GDAP2: variants seen among roughly 807,000 people sequenced by gnomAD.
GDAP2 encodes the protein ganglioside-induced differentiation-associated protein 2.
In GDAP2, 51 loss-of-function variants were observed where a neutral mutation model predicts 67.0. The ratio of observed to expected loss-of-function variants is 0.76; its 90% confidence interval spans 0.61 to 0.96. GDAP2 has a LOEUF of 0.96. GDAP2 is among the 40% of genes least tolerant of loss of function. GDAP2 has a pLI of 0.00. For synonymous variants in GDAP2, 203 were observed against 207.3 expected, an observed-to-expected ratio of 0.98 and a Z score of 0.18; for missense variants, 547 against 588.3, an observed-to-expected ratio of 0.93 and a Z score of 0.73.
intron 1 of GDAP2, among the ~76,000 whole-genome samples, chr1:117,921,339 A>G (rs1367476187): frequency 6.6e-6 from 1 of 152,212 alleles, no homozygotes; most frequent in African/African-American, 2.4e-5. Flanking sequence ...CTTCAGGAGC[A>G]TATGTTTCCA....
chr1:117,909,400 C>T (rs1037922820), intron 5 of GDAP2, among the ~76,000 whole-genome samples: 4 of 151,972 alleles, frequency 2.6e-5, no homozygotes, highest in African/African-American at 2.4e-5. Context: ...AAAAAAAGCA[C>T]GTGTCTTAAT....
At chr1:117,899,496 G>A (rs1446775460) in intron 6 of GDAP2, among the ~76,000 whole-genome samples, 5 of 152,040 alleles carry the variant, frequency 3.3e-5, no homozygotes, top group African/African-American at 7.3e-5. Context: ...GTCCCCATCC[G>A]TACCTTCACT....
intron 12 of GDAP2, 64 bp from the exon 13 acceptor site, chr1:117,878,216 T>C (rs1648531110): frequency 2.4e-6 from 2 of 845,226 alleles, no homozygotes; most frequent in African/African-American, 3.4e-5. Flanking sequence ...TAAACACAAT[T>C]TGGAAAATTT....
chr1:117,902,593 T>C (rs187660228), intron 6 of GDAP2, among the ~76,000 whole-genome samples: 173 of 152,348 alleles, frequency 1.1e-3, no homozygotes, highest in Non-Finnish European at 2.0e-3. Flanking sequence ...TTGAAACCAC[T>C]GTCAGAAATT....
chr1:117,906,441 C>G lies in GDAP2; in HGVS notation c.636+65G>C, dbSNP rs1220686469. 4 of 856,982 alleles carry G rather than the reference C, an allele frequency of 4.7e-6. No homozygotes were observed. The Admixed American group carries it at 8.3e-5, about 18-fold the overall frequency. The allele number at this position is 856,982 out of a possible 1,614,324, so 53.1% of individuals were successfully genotyped here. ...TGGAAACTCAGTAAATATGTAGTGA[C>G]AAGCCAAAGTCAAATGCTTAAAGAT... is the stretch of plus-strand genomic sequence containing the variant. On this transcript the variant is annotated intron_variant, in intron 6 of 13. Coordinates refer to ENST00000369443, the MANE Select transcript of GDAP2 (RefSeq NM_017686.4).
chr1:117,908,898 T>C (rs1254054622), intron 5 of GDAP2, among the ~76,000 whole-genome samples: 5 of 152,176 alleles, frequency 3.3e-5, no homozygotes, highest in Non-Finnish European at 7.3e-5. Flanking sequence ...CAAGTTGTAA[T>C]GTTCATGCAT....
chr1:117,878,256 T>C, intron 12 of GDAP2, 104 bp from the exon 13 acceptor site: 1 of 562,554 alleles, frequency 1.8e-6, no homozygotes, highest in Non-Finnish European at 3.1e-6. Flanking sequence ...TTTCAAAGTC[T>C]TAAAATAACT....
intron 8 of GDAP2, among the ~76,000 whole-genome samples, chr1:117,893,110 A>G (rs970080600): frequency 6.6e-6 from 1 of 152,200 alleles, no homozygotes; most frequent in African/African-American, 2.4e-5. Context: ...TAAAAGCTTA[A>G]TAAGTATTTA....
intron 10 of GDAP2, among the ~76,000 whole-genome samples, 159 bp downstream of exon 10, chr1:117,886,418 C>G (rs1390549169): frequency 6.6e-6 from 1 of 152,126 alleles, no homozygotes; most frequent in African/African-American, 2.4e-5. Flanking sequence ...CCTAATCGAA[C>G]TGAAATGATA....
At chr1:117,881,786 TA>T (rs1228765342) in intron 12 of GDAP2, 36 bp downstream of exon 12, 1 of 1,127,452 alleles carries the variant, frequency 8.9e-7, no homozygotes, top group South Asian at 1.2e-5. Context: ...GCAGTGCACA[TA>T]AATTCTAGAT....
intron 9 of GDAP2, among the ~76,000 whole-genome samples, chr1:117,887,471 A>G (rs1269111229): frequency 6.6e-6 from 1 of 152,206 alleles, no homozygotes; most frequent in Non-Finnish European, 1.5e-5. Context: ...TAAAAGGGAC[A>G]CTAGCATGAA....
chr1:117,894,439 T>C (rs752075362), intron 8 of GDAP2, among the ~76,000 whole-genome samples: 1 of 152,184 alleles, frequency 6.6e-6, no homozygotes, highest in Non-Finnish European at 1.5e-5. Context: ...CAGCTGGTAA[T>C]AGCCTTACCA....
chr1:117,888,137 G>A (rs1177922683), intron 8 of GDAP2, among the ~76,000 whole-genome samples: 1 of 152,154 alleles, frequency 6.6e-6, no homozygotes, highest in Admixed American at 6.5e-5. Flanking sequence ...CAATGGCAGA[G>A]TTTCAAAACA....
rs557330841 is a variant in GDAP2, at chr1:117,899,287, C to T, written c.637-71G>A. ...AAGAAGACCTCAGCAGTACTTAGTGCTGTTCATACACTGTGAAGACAACCT... is the reference window on the plus strand; with the variant it reads ...AAGAAGACCTCAGCAGTACTTAGTGTTGTTCATACACTGTGAAGACAACCT... On this transcript the variant is annotated intron_variant, in intron 6 of 13. Coordinates refer to ENST00000369443, the MANE Select transcript of GDAP2 (RefSeq NM_017686.4). 2.8e-5 allele frequency: 29 copies of T among 1,023,372 alleles called. No homozygotes were observed. The South Asian group carries it at 3.5e-4, about 12-fold the overall frequency. 63.4% of individuals were successfully genotyped at this position (1,023,372 alleles called of 1,614,324 possible).
At chr1:117,898,658 A>G (rs1251766050) in intron 7 of GDAP2, among the ~76,000 whole-genome samples, 1 of 152,210 alleles carries the variant, frequency 6.6e-6, no homozygotes, top group African/African-American at 2.4e-5. Flanking sequence ...TATAACCCAA[A>G]GAAACAAAAT....
chr1:117,910,271 GGA>G (rs3835647), intron 5 of GDAP2, among the ~76,000 whole-genome samples: 10,242 of 151,824 alleles, frequency 0.067, 779 homozygotes, highest in East Asian at 0.28. Context: ...TTTGTACAAC[GGA>G]CACCACACTA....
intron 13 of GDAP2, among the ~76,000 whole-genome samples, chr1:117,873,194 A>C (rs995107184): frequency 6.6e-6 from 1 of 152,210 alleles, no homozygotes; most frequent in Non-Finnish European, 1.5e-5. Context: ...TAGAAATTTT[A>C]AGAATTGTTG....
intron 5 of GDAP2, among the ~76,000 whole-genome samples, chr1:117,911,661 T>A (rs1005812527): frequency 2.0e-5 from 3 of 151,904 alleles, no homozygotes; most frequent in African/African-American, 7.3e-5. Context: ...AAAAGTAAAT[T>A]GAGAGCTCTG....
chr1:117,885,923 C>T (rs2101126131), intron 10 of GDAP2, among the ~76,000 whole-genome samples: 1 of 152,228 alleles, frequency 6.6e-6, no homozygotes, highest in African/African-American at 2.4e-5. Flanking sequence ...GGGCCTATAG[C>T]TACTTCCACA....
Sources: allele counts gnomAD v4.1 joint callset (sites outside exome capture counted in the v4.1 genomes callset), GRCh38; gene constraint gnomAD v4.1.1; transcripts MANE v1.5; gene names NCBI Gene and HGNC (gene_info 2026-07-23, HGNC 2026-07-21).